The following ALDH7A1 variants were observed in gnomAD, a reference collection of about 807,000 sequenced individuals.
The protein encoded by ALDH7A1 is aldehyde dehydrogenase 7 family member A1, also known as alpha-aminoadipic semialdehyde dehydrogenase.
Under a neutral mutation model 79.9 loss-of-function variants are expected in ALDH7A1, and 63 were observed. That is an observed-to-expected ratio of 0.79 (90% confidence interval 0.64 to 0.97). ALDH7A1 has a LOEUF of 0.97. ALDH7A1 is among the 50% of genes least tolerant of loss of function. The pLI, the probability that ALDH7A1 is intolerant of heterozygous loss-of-function variation, is 0.00. For missense variants in ALDH7A1, 627 were observed against 665.2 expected (o/e 0.94, Z 0.63); for synonymous variants, 240 against 231.2 (o/e 1.04, Z -0.34).
At chr5:126,568,211 C>A (rs775181883) in intron 9 of ALDH7A1, 48 bp downstream of exon 9, 13 of 1,576,772 alleles carry the variant, frequency 8.2e-6, no homozygotes, top group Non-Finnish European at 1.1e-5. Flanking sequence ...TAGATTTCAC[C>A]TCCATATTTG....
intron 9 of ALDH7A1, among the ~76,000 whole-genome samples, chr5:126,566,312 T>A (rs1750582306): frequency 6.6e-6 from 1 of 152,226 alleles, no homozygotes; most frequent in Non-Finnish European, 1.5e-5. Flanking sequence ...TTAAATGTAT[T>A]CCTAAGTATT....
At chr5:126,559,382 A>G in intron 10 of ALDH7A1, 48 bp from the exon 11 acceptor site, 3 of 1,399,636 alleles carry the variant, frequency 2.1e-6, no homozygotes, top group Non-Finnish European at 3.0e-6. Context: ...ACAGGTAGAC[A>G]AGGTATTTGT....
At chr5:126,562,246 A>G (rs1260973856) in intron 9 of ALDH7A1, 2 of 150,124 alleles carry the variant, frequency 1.3e-5, no homozygotes, top group African/African-American at 4.9e-5. Flanking sequence ...TCTGTTGCCC[A>G]GGCTGGGGTG....
intron 9 of ALDH7A1, among the ~76,000 whole-genome samples, chr5:126,563,103 C>T (rs1381258907): frequency 6.6e-6 from 1 of 152,164 alleles, no homozygotes; most frequent in Non-Finnish European, 1.5e-5. Context: ...TGTGTACCAT[C>T]TTAACCATTT....
At chr5:126,592,442 T>C (rs1751582990) in intron 3 of ALDH7A1, 2 of 582,608 alleles carry the variant, frequency 3.4e-6, no homozygotes, top group African/African-American at 3.7e-5. Context: ...TTCATTTAAA[T>C]TTATCCATTC....
intron 4 of ALDH7A1, 50 bp downstream of exon 4, chr5:126,583,882 G>T: frequency 7.1e-7 from 1 of 1,416,408 alleles, no homozygotes; most frequent in Non-Finnish European, 1.0e-6. Flanking sequence ...AAGCATGACA[G>T]CCTTATTGTC....
At chr5:126,592,379 T>A (rs1751581299) in intron 3 of ALDH7A1, 1 of 387,604 alleles carries the variant, frequency 2.6e-6, no homozygotes, top group Admixed American at 4.2e-5. Context: ...GTAATTTCAG[T>A]GAAGAATAGT....
chr5:126,580,297 A>G (rs1412538532), intron 5 of ALDH7A1, among the ~76,000 whole-genome samples: 1 of 152,086 alleles, frequency 6.6e-6, no homozygotes, highest in East Asian at 1.9e-4. Context: ...GGGTTTTTCC[A>G]TGTTGGTCAG....
At chr5:126,594,313 G>A in intron 1 of ALDH7A1, 1 of 469,476 alleles carries the variant, frequency 2.1e-6, no homozygotes, top group Non-Finnish European at 4.4e-6. Context: ...CTACACTGAA[G>A]AACGTTACCT....
intron 11 of ALDH7A1, among the ~76,000 whole-genome samples, chr5:126,557,574 A>C (rs1319148262): frequency 6.6e-6 from 1 of 151,636 alleles, no homozygotes; most frequent in Non-Finnish European, 1.5e-5. Context: ...CAACAGAGAG[A>C]GACTCCATCT....
At chr5:126,592,825 A>G in intron 2 of ALDH7A1, 96 bp from the exon 3 acceptor site, 1 of 1,223,478 alleles carries the variant, frequency 8.2e-7, no homozygotes. Context: ...GAGTTGGGAA[A>G]TCTCTAGGGT....
intron 4 of ALDH7A1, among the ~76,000 whole-genome samples, chr5:126,583,461 A>G (rs1751242314): frequency 6.6e-6 from 1 of 151,416 alleles, no homozygotes; most frequent in African/African-American, 2.4e-5. Flanking sequence ...AGCCTGGGCA[A>G]TAAGAGCAAG....
chr5:126,561,130 A>G lies in ALDH7A1; in HGVS notation c.872-6T>C, dbSNP rs1223691153. ...AAGTTCCAACAGACTTCTCCCTTAA[A>G]AGAAAAAAATTATATATAAAAATTA... On this transcript the variant is annotated splice_region_variant and splice_polypyrimidine_tract_variant and intron_variant, in intron 9 of 17. Coordinates refer to ENST00000409134, the MANE Select transcript of ALDH7A1 (RefSeq NM_001182.5). 6.2e-7 allele frequency: 1 copy of G among 1,608,296 alleles called. No individual in the cohort carries two copies. Among genetic ancestry groups the G allele is most frequent in the Non-Finnish European group, 8.5e-7 (1 of 1,176,974 alleles).
intron 11 of ALDH7A1, among the ~76,000 whole-genome samples, chr5:126,558,166 C>CAAAAAAAAAAAAAAAAAAAAA (rs35559498): frequency 2.3e-4 from 17 of 75,414 alleles, no homozygotes; most frequent in African/African-American, 4.4e-4. Flanking sequence ...GACTCCAACT[C>CAAAAAAAAAAAAAAAAAAAAA]AAAAAAAAAA....
intron 5 of ALDH7A1, among the ~76,000 whole-genome samples, chr5:126,580,560 C>T (rs1751138269): frequency 6.6e-6 from 1 of 152,026 alleles, no homozygotes; most frequent in South Asian, 2.1e-4. Context: ...AGGGAATTTA[C>T]TCAATATTCC....
At chr5:126,585,225 G>C (rs1007646572) in intron 3 of ALDH7A1, among the ~76,000 whole-genome samples, 1 of 152,186 alleles carries the variant, frequency 6.6e-6, no homozygotes, top group Non-Finnish European at 1.5e-5. Context: ...TTGAACCCCG[G>C]AGGGGGAGGT....
At chr5:126,594,482 T>C (rs1370546844) in intron 1 of ALDH7A1, 1 of 288,518 alleles carries the variant, frequency 3.5e-6, no homozygotes, top group Non-Finnish European at 6.9e-6. Context: ...TTCGCTCTTG[T>C]TGCTCAGGCT....
chr5:126,563,472 G>A (rs894188975), intron 9 of ALDH7A1, among the ~76,000 whole-genome samples: 1 of 152,130 alleles, frequency 6.6e-6, no homozygotes, highest in Non-Finnish European at 1.5e-5. Context: ...TTCTAGAAAA[G>A]TTATATAGCA....
intron 3 of ALDH7A1, chr5:126,586,635 G>A (rs763757236): frequency 6.6e-6 from 1 of 152,240 alleles, no homozygotes; most frequent in Non-Finnish European, 1.5e-5. Context: ...TTCACAACTG[G>A]AGCAACCTGA....
Sources: gnomAD v4.1 joint callset for allele counts (sites outside exome capture counted in the v4.1 genomes callset) on GRCh38, gnomAD v4.1.1 for gene constraint, MANE v1.5 for transcripts, NCBI Gene and HGNC (gene_info 2026-07-23, HGNC 2026-07-21) for gene names.